Variants in CDK14 observed in about 807,000 individuals in gnomAD.
CDK14 encodes the protein cyclin-dependent kinase 14.
Under a neutral mutation model 60.7 loss-of-function variants are expected in CDK14, and 34 were observed. The observed-to-expected ratio is 0.56, with a 90% CI of 0.43 to 0.75. The LOEUF (loss-of-function observed/expected upper bound fraction) is 0.75. Ranked by LOEUF, CDK14 falls within the 30% of genes least tolerant of loss-of-function variation. CDK14 has a pLI of 0.00. For synonymous variants in CDK14, 197 were observed against 203.7 expected (o/e 0.97, Z 0.28); for missense variants, 482 against 564.1 (o/e 0.85, Z 1.47).
At chr7:90,881,227 A>C (rs898246301) in intron 6 of CDK14, among the ~76,000 whole-genome samples, 10 of 152,200 alleles carry the variant, frequency 6.6e-5, no homozygotes, top group African/African-American at 1.9e-4. Flanking sequence ...TAACTAAAAT[A>C]ACCAGTTTAG....
At chr7:90,847,247 C>T (rs1439305543) in intron 5 of CDK14, among the ~76,000 whole-genome samples, 1 of 152,096 alleles carries the variant, frequency 6.6e-6, no homozygotes, top group African/African-American at 2.4e-5. Flanking sequence ...TATATCTTTC[C>T]ATATCTTCCG....
chr7:91,179,308 A>G (rs1216376354), intron 14 of CDK14, among the ~76,000 whole-genome samples: 3 of 135,822 alleles, frequency 2.2e-5, no homozygotes, highest in Middle Eastern at 3.6e-3. Flanking sequence ...GAACAATGAG[A>G]TCACATGGAC....
chr7:90,993,133 A>G (rs1256377828), intron 10 of CDK14, among the ~76,000 whole-genome samples: 1 of 152,160 alleles, frequency 6.6e-6, no homozygotes, highest in African/African-American at 2.4e-5. Context: ...AGAAGGAACT[A>G]TGTATCAGCT....
At chr7:90,831,701 C>T (rs997439065) in intron 5 of CDK14, among the ~76,000 whole-genome samples, 3 of 149,538 alleles carry the variant, frequency 2.0e-5, no homozygotes, top group Admixed American at 6.7e-5. Flanking sequence ...TTTTTTTTTT[C>T]CCCCACCCTT....
intron 12 of CDK14, among the ~76,000 whole-genome samples, chr7:91,084,140 AACTAGGAAT>A (rs1265858681): frequency 6.6e-6 from 1 of 152,242 alleles, no homozygotes; most frequent in Non-Finnish European, 1.5e-5. Flanking sequence ...TGAAAATAAC[AACTAGGAAT>A]ATATGTACTC....
At chr7:90,845,170 C>G (rs1211974726) in intron 5 of CDK14, among the ~76,000 whole-genome samples, 1 of 152,076 alleles carries the variant, frequency 6.6e-6, no homozygotes, top group African/African-American at 2.4e-5. Flanking sequence ...GTGCCTTGCA[C>G]AGAGTAGTCA....
intron 6 of CDK14, among the ~76,000 whole-genome samples, chr7:90,895,389 T>TCCCCTCC (rs1792280951): frequency 2.6e-4 from 1 of 3,912 alleles, no homozygotes; most frequent in African/African-American, 1.0e-3. Flanking sequence ...TCCTCTCCTC[T>TCCCCTCC]CCTCTCCTCT....
At chr7:91,100,148 T>G (rs1799110570) in intron 12 of CDK14, among the ~76,000 whole-genome samples, 1 of 152,186 alleles carries the variant, frequency 6.6e-6, no homozygotes, top group Non-Finnish European at 1.5e-5. Context: ...CTGACAGGTT[T>G]GTACTACCCC....
intron 2 of CDK14, among the ~76,000 whole-genome samples, chr7:90,704,262 C>G (rs923105728): frequency 3.9e-5 from 6 of 152,186 alleles, no homozygotes; most frequent in Admixed American, 1.3e-4. Context: ...TGCTATAGCT[C>G]TAGCTTTGGA....
chr7:90,784,280 A>T (rs150425783), intron 4 of CDK14, among the ~76,000 whole-genome samples: 1 of 152,248 alleles, frequency 6.6e-6, no homozygotes, highest in Admixed American at 6.5e-5. Flanking sequence ...TCGTGGAGAG[A>T]TGGAGGATAA....
chr7:90,637,240 T>G (rs1330645209), intron 2 of CDK14, among the ~76,000 whole-genome samples: 7 of 151,092 alleles, frequency 4.6e-5, no homozygotes, highest in African/African-American at 1.7e-4. Flanking sequence ...GTGTCAATTT[T>G]GGATCTTTCC....
intron 12 of CDK14, among the ~76,000 whole-genome samples, chr7:91,088,940 CAT>C (rs1798722883): frequency 6.7e-6 from 1 of 148,916 alleles, no homozygotes; most frequent in Non-Finnish European, 1.5e-5. Context: ...TGTGAGTGTG[CAT>C]GTGTGTGTGT....
intron 6 of CDK14, among the ~76,000 whole-genome samples, chr7:90,883,741 C>T (rs932081178): frequency 6.6e-6 from 1 of 152,124 alleles, no homozygotes; most frequent in African/African-American, 2.4e-5. Flanking sequence ...TTATCCACCA[C>T]GATCAAGTTG....
At chr7:91,055,978 C>A (rs191369427) in intron 11 of CDK14, among the ~76,000 whole-genome samples, 1 of 152,220 alleles carries the variant, frequency 6.6e-6, no homozygotes, top group East Asian at 1.9e-4. Flanking sequence ...AAATTAATGC[C>A]GGCAAGTATA....
In CDK14 at chr7:90,896,365, T is replaced by C. The variant is rs549133295; in HGVS notation, c.640-2926T>C. ...AACTGATTTTCTTTCTTCCTTATTTTCCTCCTGCTGCCATTGAACTTAAAA... is the reference window on the plus strand; with the variant it reads ...AACTGATTTTCTTTCTTCCTTATTTCCCTCCTGCTGCCATTGAACTTAAAA... On this transcript the variant is annotated intron_variant, in intron 6 of 14. Coordinates refer to ENST00000380050, the MANE Select transcript of CDK14 (RefSeq NM_001287135.2). 9.9e-5 allele frequency among the ~76,000 whole-genome samples: 15 copies of C among 152,256 alleles called. No individual in the cohort carries two copies. In the South Asian group the frequency reaches 3.1e-3, roughly 32 times the overall value.
At chr7:90,899,819 G>A (rs1347145290) in intron 7 of CDK14, among the ~76,000 whole-genome samples, 2 of 151,950 alleles carry the variant, frequency 1.3e-5, no homozygotes, top group East Asian at 1.9e-4. Context: ...CTTTCTTTTA[G>A]TAGAAATATT....
intron 1 of CDK14, 138 bp from the exon 2 acceptor site, chr7:90,604,080 A>G: frequency 3.4e-6 from 2 of 591,176 alleles, no homozygotes; most frequent in Non-Finnish European, 5.9e-6. Context: ...GTATCATAAC[A>G]TTGTTATTCA....
intron 14 of CDK14, among the ~76,000 whole-genome samples, chr7:91,186,246 T>C (rs1205049663): frequency 1.0e-4 from 1 of 9,660 alleles, no homozygotes; most frequent in African/African-American, 3.6e-4. Flanking sequence ...CCCTCCCCTC[T>C]CCTCTCCTCC....
At chr7:91,084,172 T>C (rs568049772) in intron 12 of CDK14, among the ~76,000 whole-genome samples, 1 of 152,330 alleles carries the variant, frequency 6.6e-6, no homozygotes, top group East Asian at 1.9e-4. Context: ...GTGAATCTTA[T>C]GAAGGGAATA....
Sources: allele counts gnomAD v4.1 joint callset (sites outside exome capture counted in the v4.1 genomes callset), GRCh38; gene constraint gnomAD v4.1.1; transcripts MANE v1.5; gene names NCBI Gene and HGNC (gene_info 2026-07-23, HGNC 2026-07-21).